RBM23: variants seen among roughly 807,000 people sequenced by gnomAD.
RBM23 encodes RNA binding motif protein 23, also known as probable RNA-binding protein 23.
In RBM23, 53 loss-of-function variants were observed where a neutral mutation model predicts 56.2. The ratio of observed to expected loss-of-function variants is 0.94; its 90% CI spans 0.76 to 1.19. RBM23 has a LOEUF of 1.19. Among genes scored for constraint, RBM23 ranks in the 50% most tolerant of loss-of-function variants. The pLI, the probability that RBM23 is intolerant of heterozygous loss-of-function variation, is 0.00. For missense variants in RBM23, 642 were observed against 590.3 expected (o/e 1.09, Z -0.91); for synonymous variants, 197 against 198.5 (o/e 0.99, Z 0.06).
At chr14:22,916,006 G>A (rs182286913) in intron 1 of RBM23, among the ~76,000 whole-genome samples, 31 of 152,288 alleles carry the variant, frequency 2.0e-4, no homozygotes, top group African/African-American at 7.5e-4. Context: ...ATGGCTTGAG[G>A]CCAAGTCAAA....
Position 22,899,871 on chromosome 14 carries a change from C to G in RBM23, c.*1859G>C, listed in dbSNP as rs746557990. The G allele has an allele frequency of 6.6e-6, 1 of 152,178 alleles. No individual in the cohort carries two copies. Among genetic ancestry groups the G allele is most frequent in the Non-Finnish European group, 1.5e-5 (1 of 68,028 alleles). 9.4% of individuals were successfully genotyped at this position (152,178 alleles called of 1,614,324 possible). On this transcript the variant is annotated 3_prime_UTR_variant, in exon 14 of 14. Transcript: ENST00000359890. Reference sequence around the variant, plus strand: ...GAGCTGACAAATTAAAACCTAACAGCAATTATCCATATTTTTAGCATAAGA... The same window carrying G: ...GAGCTGACAAATTAAAACCTAACAGGAATTATCCATATTTTTAGCATAAGA...
rs2040326760 is a variant in RBM23, at chr14:22,900,143, T to C, written c.*1587A>G. The C allele has an allele frequency of 6.6e-6, 1 of 152,090 alleles. No homozygotes were observed. The highest frequency in any genetic ancestry group is 2.4e-5 in the African/African-American group (1 of 41,372). 9.4% of individuals were successfully genotyped at this position (152,090 alleles called of 1,614,324 possible). On this transcript the variant is annotated 3_prime_UTR_variant, in exon 14 of 14. Coordinates refer to ENST00000359890, the MANE Select transcript of RBM23 (RefSeq NM_001077351.2). ...GCAGAGCCACATGGAAAGCAGGAGT[T>C]GAGGGGACTGACAGAGGAACAACAG...
chr14:22,902,352 G>C lies in RBM23; in HGVS notation c.961C>G (p.Leu321Val). The C allele has an allele frequency of 6.2e-7, 1 of 1,613,650 alleles. No homozygotes were observed. The highest frequency in any genetic ancestry group is 8.5e-7 in the Non-Finnish European group (1 of 1,179,636). The stretch of plus-strand genomic sequence containing the variant: ...AGCTCAAACCCATTCAACTGTTCCA[G>C]GGCCCGCCGGGCACACTCAGAATCA... ...FSDSECARRA[L>V]EQLNGFELAG... The change falls in exon 11 of 14, where the codon CTG (leucine) becomes GTG (valine). Residue 321 changes from leucine to valine, a missense_variant. Leu to Val is a conservative substitution (Grantham distance 32). Coordinates refer to ENST00000359890, the MANE Select transcript of RBM23 (RefSeq NM_001077351.2).
chr14:22,902,900 G>A (rs145191225), intron 10 of RBM23: 43 of 716,094 alleles, frequency 6.0e-5, no homozygotes, highest in African/African-American at 3.7e-4. Flanking sequence ...TCAGCCTCCC[G>A]AGTAGCTGGA....
chr14:22,903,844 G>T, intron 10 of RBM23: 2 of 1,114,192 alleles, frequency 1.8e-6, no homozygotes, highest in Non-Finnish European at 2.2e-6. Flanking sequence ...TGCAGAAATT[G>T]CTTCAAATGG....
At position 22,904,289 on chromosome 14, in the gene RBM23, C is replaced by A; in HGVS notation, c.902G>T (p.Gly301Val). Residue 301 changes from glycine to valine, a missense_variant, in exon 10 of 14, where the codon GGC becomes GTC. By Grantham distance (109) the Gly-to-Val change is moderately radical. Transcript: ENST00000359890. ...NIVLMKDSDT[G>V]RSKGYGFITF... ...GATGAAACCATAACCTTTAGAGCGGCCTGTATCTGAGTCCTTCATCAGGAC... is the reference window on the plus strand; with the variant it reads ...GATGAAACCATAACCTTTAGAGCGGACTGTATCTGAGTCCTTCATCAGGAC... 6.2e-7 allele frequency: 1 copy of A among 1,613,352 alleles called. No individual in the cohort carries two copies. Among genetic ancestry groups the A allele is most frequent in the Non-Finnish European group, 8.5e-7 (1 of 1,179,410 alleles).
At position 22,903,681 on chromosome 14, in the gene RBM23, G is replaced by C. The variant is rs564727867; in HGVS notation, c.930+580C>G. 2.4e-5 allele frequency: 24 copies of C among 1,000,754 alleles called. 1 individual carries two copies. In the East Asian group the frequency reaches 2.4e-3, roughly 100 times the overall value. The allele number at this position is 1,000,754 out of a possible 1,614,324, so 62.0% of individuals were successfully genotyped here. Reference sequence around the variant, plus strand: ...TATCAGACTTTGTGGCTGGCAGCCAGTTCTCAGCCTGGAGTCACATGGGGC... The same window carrying C: ...TATCAGACTTTGTGGCTGGCAGCCACTTCTCAGCCTGGAGTCACATGGGGC... On this transcript the variant is annotated intron_variant, in intron 10 of 13. Coordinates refer to ENST00000359890, the MANE Select transcript of RBM23 (RefSeq NM_001077351.2).
At chr14:22,918,901 G>A (rs1441687414) in intron 1 of RBM23, 98 bp downstream of exon 1, 2 of 152,130 alleles carry the variant, frequency 1.3e-5, no homozygotes, top group South Asian at 2.1e-4. Context: ...ATCTCTTCGT[G>A]ACGCCATTTT....
chr14:22,902,121 G>T, intron 11 of RBM23, 22 bp from the exon 12 acceptor site: 1 of 1,603,740 alleles, frequency 6.2e-7, no homozygotes, highest in Non-Finnish European at 8.5e-7. Flanking sequence ...AGAAAAGGTG[G>T]GATTAAGCCC....
chr14:22,897,425 G>A lies in RBM23; in HGVS notation c.*4305C>T, dbSNP rs2040265120. 6.6e-6 allele frequency: 1 copy of A among 152,198 alleles called. No homozygotes were observed. The highest frequency in any genetic ancestry group is 6.5e-5 in the Admixed American group (1 of 15,278). The allele number at this position is 152,198 out of a possible 1,614,324, so 9.4% of individuals were successfully genotyped here. A position where few individuals can be genotyped will look rare whatever the true frequency, so the allele number is the denominator to read the frequency against. On this transcript the variant is annotated 3_prime_UTR_variant, in exon 14 of 14. Coordinates refer to ENST00000359890, the MANE Select transcript of RBM23 (RefSeq NM_001077351.2). ...AAGGACAGGACTTTGATCAGCAGAA[G>A]GAGGAAAGGAAGAGAGATAGCTGGC...
At chr14:22,903,200 C>G in intron 10 of RBM23, 1 of 985,548 alleles carries the variant, frequency 1.0e-6, no homozygotes, top group Non-Finnish European at 1.2e-6. Context: ...GAGCTGTTGA[C>G]TAAGTGACCT....
Position 22,899,161 on chromosome 14 carries a change from G to A in RBM23, c.*2569C>T, listed in dbSNP as rs765763723. 1.8e-4 allele frequency: 28 copies of A among 152,230 alleles called. 1 individual carries two copies. Among genetic ancestry groups the A allele is most frequent in the Admixed American group, 1.6e-3 (24 of 15,306 alleles). The allele number at this position is 152,230 out of a possible 1,614,324, so 9.4% of individuals were successfully genotyped here. A position where few individuals can be genotyped will look rare whatever the true frequency, so the allele number is the denominator to read the frequency against. ...CAGTGTTGAAGATGGGGCTTAATACGAGGTGACTGAGTCACAAGGACAGAG... is the reference window on the plus strand; with the variant it reads ...CAGTGTTGAAGATGGGGCTTAATACAAGGTGACTGAGTCACAAGGACAGAG... On this transcript the variant is annotated 3_prime_UTR_variant, in exon 14 of 14. Transcript: ENST00000359890.
chr14:22,903,133 G>A (rs1251023115), intron 10 of RBM23: 6 of 985,248 alleles, frequency 6.1e-6, no homozygotes, highest in Admixed American at 6.2e-5. Flanking sequence ...AGGCTTAAGA[G>A]GGAACACACC....
rs2040322714 is a variant in RBM23 at position 22,900,013 on chromosome 14, C to G, written c.*1717G>C. On this transcript the variant is annotated 3_prime_UTR_variant, in exon 14 of 14. Coordinates refer to ENST00000359890, the MANE Select transcript of RBM23 (RefSeq NM_001077351.2). ...TGGGTGAGACAGCCTCTCTCCCACC[C>G]CCTTATTATTAAGGCAGTGGTAGGT... is the stretch of plus-strand genomic sequence containing the variant. 6.6e-6 allele frequency: 1 copy of G among 152,122 alleles called. No homozygotes were observed. The highest frequency in any genetic ancestry group is 1.5e-5 in the Non-Finnish European group (1 of 68,052). The allele number at this position is 152,122 out of a possible 1,614,324, so 9.4% of individuals were successfully genotyped here.
Position 22,909,484 on chromosome 14 carries a change from T to C in RBM23, c.178A>G (p.Lys60Glu), listed in dbSNP as rs756091239. ...CCCATTTCTTCCTCCCACACTCACT[T>C]GCTTGTCTCCCCGATGGTGCTGCTT... ...SGSSTIGETS[K>E]KKRSRSHNKS... The change falls in exon 3 of 14, where the codon AAG (lysine) becomes GAG (glutamate). Residue 60 changes from lysine (K) to glutamate (E), a missense_variant and splice_region_variant. Lys to Glu is a moderately conservative substitution (Grantham distance 56). Coordinates refer to ENST00000359890, the MANE Select transcript of RBM23 (RefSeq NM_001077351.2). 4.3e-6 allele frequency: 7 copies of C among 1,612,432 alleles called. No individual in the cohort carries two copies. The highest frequency in any genetic ancestry group is 1.1e-5 in the South Asian group (1 of 91,010).
chr14:22,908,998 G>A (rs569608316), intron 3 of RBM23, among the ~76,000 whole-genome samples: 3 of 150,478 alleles, frequency 2.0e-5, no homozygotes, highest in African/African-American at 4.9e-5. Context: ...GCTGGAGTGC[G>A]ATGGTGCGAC....
Position 22,908,226 on chromosome 14 carries a change from G to T in RBM23, c.227+107C>A, listed in dbSNP as rs370442020. On this transcript the variant is annotated intron_variant, in intron 4 of 13. Transcript: ENST00000359890. ...TGTAGAGACAGGATTTTGCTATGTT[G>T]CCCAGGCTGGTTTTGAACTCCTGGC... is the stretch of plus-strand genomic sequence containing the variant. 93 of 1,233,566 alleles carry T rather than the reference G, an allele frequency of 7.5e-5. No individual in the cohort carries two copies. In the African/African-American group the frequency reaches 1.2e-3, roughly 16 times the overall value. 76.4% of individuals were successfully genotyped at this position (1,233,566 alleles called of 1,614,324 possible).
At chr14:22,904,777 G>A (rs1043209) in intron 9 of RBM23, 98 bp downstream of exon 9, 942,087 of 1,539,846 alleles carry the variant, frequency 0.61, 291,962 homozygotes, top group East Asian at 0.79. Flanking sequence ...GTATGCAGCA[G>A]GTTAATCACG....
intron 1 of RBM23, among the ~76,000 whole-genome samples, chr14:22,918,796 C>G (rs981933926): frequency 6.6e-6 from 1 of 152,198 alleles, no homozygotes; most frequent in African/African-American, 2.4e-5. Context: ...CGAGGGTGCC[C>G]AACTCTAAAA....
Sources: gnomAD v4.1 joint callset for allele counts (sites outside exome capture counted in the v4.1 genomes callset) on GRCh38, gnomAD v4.1.1 for gene constraint, MANE v1.5 for transcripts, NCBI Gene and HGNC (gene_info 2026-07-23, HGNC 2026-07-21) for gene names.